CMTR1: variants seen among roughly 807,000 people sequenced by gnomAD.
The protein encoded by CMTR1 is cap methyltransferase 1.
In CMTR1, 39 loss-of-function variants were observed where a neutral mutation model predicts 107.0. The ratio of observed to expected loss-of-function variants is 0.36; its 90% CI spans 0.28 to 0.48. The LOEUF is 0.48. CMTR1 is among the 20% of genes least tolerant of loss of function. The pLI is 0.99. For synonymous variants in CMTR1, 366 were observed against 379.5 expected, an observed-to-expected ratio of 0.96 and a Z score of 0.41; for missense variants, 672 against 1,064.9, an observed-to-expected ratio of 0.63 and a Z score of 5.14.
At chr6:37,449,271 T>TTGTTTTGTTATGTTA (rs1554198299) in intron 4 of CMTR1, among the ~76,000 whole-genome samples, 33 of 145,366 alleles carry the variant, frequency 2.3e-4, no homozygotes, top group Non-Finnish European at 4.0e-4. Context: ...ATTTTATGTT[T>TTGTTTTGTTATGTTA]TGTTATGTTA....
At position 37,462,022 on chromosome 6, in the gene CMTR1, G is replaced by A. The variant is rs781482887; in HGVS notation, c.1245G>A (p.Gly415=). 1 of 1,613,808 alleles carries A rather than the reference G, an allele frequency of 6.2e-7. No individual in the cohort carries two copies. The change falls in exon 12 of 24, where the codon GGG becomes GGA. Residue 415 remains glycine, a synonymous_variant. Coordinates refer to ENST00000373451, the MANE Select transcript of CMTR1 (RefSeq NM_015050.3). ...TFDLFTPFSV[G]LVYLLYCCFE... is the part of the protein sequence containing the mutation. ...ACCTGTTCACACCGTTTAGTGTGGG[G>A]CTTGTCTACCTGCTGTACTGCTGCT...
chr6:37,455,908 G>C (rs1189601034), intron 8 of CMTR1, among the ~76,000 whole-genome samples: 1 of 152,220 alleles, frequency 6.6e-6, no homozygotes, highest in Non-Finnish European at 1.5e-5. Flanking sequence ...AACTGAGCAA[G>C]CTCAAGCTTA....
chr6:37,480,257 T>G lies in CMTR1; in HGVS notation c.*112T>G, dbSNP rs1392913465. On this transcript the variant is annotated 3_prime_UTR_variant, in exon 24 of 24. Coordinates refer to ENST00000373451, the MANE Select transcript of CMTR1 (RefSeq NM_015050.3). The stretch of plus-strand genomic sequence containing the variant: ...CTCTTGAAAAGGGACTGGGGAGCAT[T>G]GCACCTGGCATGAGGAGTGGGTGGC... The G allele has an allele frequency of 2.0e-6, 3 of 1,512,384 alleles. No individual in the cohort carries two copies. The African/African-American group carries it at 4.3e-5, about 22-fold the overall frequency. 93.7% of individuals were successfully genotyped at this position (1,512,384 alleles called of 1,614,324 possible).
chr6:37,462,750 T>C (rs1761426036), intron 12 of CMTR1, 79 bp from the exon 13 acceptor site: 1 of 1,391,206 alleles, frequency 7.2e-7, no homozygotes, highest in African/African-American at 1.4e-5. Context: ...AGCTTTGTGA[T>C]TCCACAAGGG....
chr6:37,459,521 A>C, intron 9 of CMTR1, 45 bp from the exon 10 acceptor site: 1 of 1,530,928 alleles, frequency 6.5e-7, no homozygotes, highest in Non-Finnish European at 9.1e-7. Flanking sequence ...AGCTCCTGAC[A>C]TGTATAGGGC....
chr6:37,436,266 C>G (rs1053720407), intron 2 of CMTR1: 1 of 152,446 alleles, frequency 6.6e-6, no homozygotes, highest in Non-Finnish European at 1.5e-5. Flanking sequence ...GAAGATTTCA[C>G]TAATCTGGTT....
rs1390628516 is a variant in CMTR1 at position 37,453,128 on chromosome 6, T to C, written c.691T>C (p.Phe231Leu). Residue 231 changes from phenylalanine (F) to leucine (L), a missense_variant, in exon 7 of 24, where the codon TTC (phenylalanine) becomes CTC (leucine). Around this residue, in one of 2 missense-constraint regions of CMTR1, gnomAD observed 583 missense variants for 968.4 expected, o/e 0.60. Transcript: ENST00000373451. ...ANPYEMIRGV[F>L]FLNRAAMKMA... ...TCCCTATGAGATGATCCGAGGAGTC[T>C]TCTTTCTAAACAGGTTTGCTGACAT... 4 of 1,614,158 alleles carry C rather than the reference T, an allele frequency of 2.5e-6. No homozygotes were observed. The highest frequency in any genetic ancestry group is 1.7e-6 in the Non-Finnish European group (2 of 1,180,020).
Position 37,480,314 on chromosome 6 carries a change from G to C in CMTR1, c.*169G>C, listed in dbSNP as rs1761829340. 1 of 1,416,516 alleles carries C rather than the reference G, an allele frequency of 7.1e-7. No homozygotes were observed. The highest frequency in any genetic ancestry group is 9.1e-7 in the Non-Finnish European group (1 of 1,098,784). 87.7% of individuals were successfully genotyped at this position (1,416,516 alleles called of 1,614,324 possible). On this transcript the variant is annotated 3_prime_UTR_variant, in exon 24 of 24. Transcript: ENST00000373451. Reference sequence around the variant, plus strand: ...TCCATCCCCTGAAGAGCTCAGGCAGGGCCCTGCAGAGAACACTCATGTTCC... The same window carrying C: ...TCCATCCCCTGAAGAGCTCAGGCAGCGCCCTGCAGAGAACACTCATGTTCC...
In CMTR1 at chr6:37,480,330, C is replaced by T; in HGVS notation, c.*185C>T. On this transcript the variant is annotated 3_prime_UTR_variant, in exon 24 of 24. Transcript: ENST00000373451. ...CTCAGGCAGGGCCCTGCAGAGAACA[C>T]TCATGTTCCTTCTGGGACACCTGCC... 1 of 1,385,218 alleles carries T rather than the reference C, an allele frequency of 7.2e-7. No individual in the cohort carries two copies. Among genetic ancestry groups the T allele is most frequent in the Non-Finnish European group, 9.2e-7 (1 of 1,081,520 alleles). The allele number at this position is 1,385,218 out of a possible 1,614,324, so 85.8% of individuals were successfully genotyped here. A position where few individuals can be genotyped will look rare whatever the true frequency, so the allele number is the denominator to read the frequency against.
upstream of CMTR1, among the ~76,000 whole-genome samples, chr6:37,428,687 A>G (rs1771326356): frequency 6.6e-6 from 1 of 151,960 alleles, no homozygotes. Context: ...TGAGCTCCCA[A>G]CCTCAGGTAA....
At chr6:37,438,056 C>A (rs1306528780) in intron 2 of CMTR1, among the ~76,000 whole-genome samples, 1 of 152,178 alleles carries the variant, frequency 6.6e-6, no homozygotes, top group East Asian at 1.9e-4. Flanking sequence ...ATGACTCAGT[C>A]AGGATTGACT....
chr6:37,452,552 G>T (rs1356893525), intron 6 of CMTR1, among the ~76,000 whole-genome samples: 1 of 152,148 alleles, frequency 6.6e-6, no homozygotes, highest in Non-Finnish European at 1.5e-5. Context: ...GGTAATGTGA[G>T]GATTTCTTTA....
Position 37,478,572 on chromosome 6 carries a change from C to T in CMTR1, c.2266+51C>T, listed in dbSNP as rs113314387. The stretch of plus-strand genomic sequence containing the variant: ...CATCCCCTCCCCTCTCCCCTCTCCT[C>T]GCCAGGTGATGGGTCCAGACCCTAC... On this transcript the variant is annotated intron_variant, in intron 22 of 23. Transcript: ENST00000373451. The T allele has an allele frequency of 3.7e-3, 5,319 of 1,454,340 alleles. 106 individuals are homozygous for T. In the African/African-American group the frequency reaches 0.053, roughly 14 times the overall value. 90.1% of individuals were successfully genotyped at this position (1,454,340 alleles called of 1,614,324 possible).
At chr6:37,461,022 A>G (rs1008134869) in intron 10 of CMTR1, among the ~76,000 whole-genome samples, 1 of 152,220 alleles carries the variant, frequency 6.6e-6, no homozygotes, top group Non-Finnish European at 1.5e-5. Context: ...GTCTTAGGAC[A>G]GGAAAGGGGG....
the CMTR1 span, among the ~76,000 whole-genome samples, chr6:37,427,863 T>C: frequency 6.6e-6 from 1 of 152,220 alleles, no homozygotes; most frequent in East Asian, 1.9e-4. The surrounding 1 kb of genome is among the most constrained non-coding windows in gnomAD (Gnocchi z 4.4). Context: ...GAATTCCACG[T>C]TGACTGTTCT....
chr6:37,467,250 T>C (rs1761528915), intron 13 of CMTR1, among the ~76,000 whole-genome samples: 1 of 152,238 alleles, frequency 6.6e-6, no homozygotes, highest in Non-Finnish European at 1.5e-5. Context: ...TTTAAATTTT[T>C]CCTTATGATT....
Position 37,473,359 on chromosome 6 carries a change from G to A in CMTR1, c.1690-111G>A, listed in dbSNP as rs373420966. 53 of 1,174,142 alleles carry A rather than the reference G, an allele frequency of 4.5e-5. No homozygotes were observed. In the African/African-American group the frequency reaches 6.0e-4, roughly 13 times the overall value. The allele number at this position is 1,174,142 out of a possible 1,614,324, so 72.7% of individuals were successfully genotyped here. A position where few individuals can be genotyped will look rare whatever the true frequency, so the allele number is the denominator to read the frequency against. ...GGGGTGCAGGGGAGCATATTTCAGA[G>A]AGCCAATGCTTCCTGTCCCTTGCCT... is the stretch of plus-strand genomic sequence containing the variant. On this transcript the variant is annotated intron_variant, in intron 16 of 23. Transcript: ENST00000373451.
intron 3 of CMTR1, among the ~76,000 whole-genome samples, chr6:37,444,678 T>C (rs1771746121): frequency 1.3e-5 from 2 of 152,198 alleles, no homozygotes; most frequent in African/African-American, 4.8e-5. Context: ...TATTCCTTAG[T>C]GTATGTGCAA....
At chr6:37,442,220 C>A (rs559255031) in intron 2 of CMTR1, among the ~76,000 whole-genome samples, 1 of 152,296 alleles carries the variant, frequency 6.6e-6, no homozygotes, top group East Asian at 1.9e-4. Flanking sequence ...ATCTTTTAAA[C>A]GGTATCAGTG....
Sources: allele counts gnomAD v4.1 joint callset (sites outside exome capture counted in the v4.1 genomes callset), GRCh38; gene constraint gnomAD v4.1.1; regional missense constraint gnomAD v4.1.1; non-coding constraint Gnocchi (gnomAD v3.1); transcripts MANE v1.5; gene names NCBI Gene and HGNC (gene_info 2026-07-23, HGNC 2026-07-21).